The following OSBPL5 variants were observed in gnomAD, a reference collection of about 807,000 sequenced individuals.
OSBPL5 encodes oxysterol-binding protein-related protein 5.
Under a neutral mutation model 111.2 loss-of-function variants are expected in OSBPL5, and 71 were observed. That is an observed-to-expected ratio of 0.64 (90% CI 0.53 to 0.78). OSBPL5 has a LOEUF of 0.78. Ranked by LOEUF, OSBPL5 falls within the 30% of genes least tolerant of loss-of-function variation. The pLI is 0.00. For missense variants in OSBPL5, 1,210 were observed against 1,189.3 expected (o/e 1.02, Z -0.26); for synonymous variants, 549 against 513.9 (o/e 1.07, Z -0.93).
chr11:3,108,317 C>T (rs1439951297), intron 7 of OSBPL5, among the ~76,000 whole-genome samples: 1 of 152,144 alleles, frequency 6.6e-6, no homozygotes, highest in African/African-American at 2.4e-5. Context: ...AGTGACCCCT[C>T]CAGGTCACAA....
In OSBPL5 at chr11:3,103,222, G is replaced by C; in HGVS notation, c.1326+17C>G. Reference sequence around the variant, plus strand: ...CCTGGGCCGGAGCCCCACCCTCCCTGGCTGGCAGGGGCTCACCTTGGGCTT... The same window carrying C: ...CCTGGGCCGGAGCCCCACCCTCCCTCGCTGGCAGGGGCTCACCTTGGGCTT... On this transcript the variant is annotated intron_variant, in intron 11 of 21. Coordinates refer to ENST00000263650, the MANE Select transcript of OSBPL5 (RefSeq NM_020896.4). 1 of 1,587,254 alleles carries C rather than the reference G, an allele frequency of 6.3e-7. No individual in the cohort carries two copies. Among genetic ancestry groups the C allele is most frequent in the Non-Finnish European group, 8.6e-7 (1 of 1,165,920 alleles).
intron 14 of OSBPL5, among the ~76,000 whole-genome samples, chr11:3,097,549 C>G (rs376102950): frequency 6.6e-6 from 1 of 152,166 alleles, no homozygotes; most frequent in African/African-American, 2.4e-5. Flanking sequence ...AAACACAAAA[C>G]TAGCAAATTA....
rs2134579903 is a variant in OSBPL5 at position 3,165,090 on chromosome 11, G to T, written c.-22+126C>A. 1 of 150,798 alleles carries T rather than the reference G, an allele frequency of 6.6e-6. No individual in the cohort carries two copies. Among genetic ancestry groups the T allele is most frequent in the South Asian group, 2.1e-4 (1 of 4,826 alleles). 9.3% of individuals were successfully genotyped at this position (150,798 alleles called of 1,614,324 possible). A position where few individuals can be genotyped will look rare whatever the true frequency, so the allele number is the denominator to read the frequency against. Reference sequence around the variant, plus strand: ...CGCGGGGCTGCGGCGCGAGCTCCTGGATCCCTTCGGCCGGCCCCCCGCGGC... The same window carrying T: ...CGCGGGGCTGCGGCGCGAGCTCCTGTATCCCTTCGGCCGGCCCCCCGCGGC... On this transcript the variant is annotated intron_variant, in intron 1 of 21. Coordinates refer to ENST00000263650, the MANE Select transcript of OSBPL5 (RefSeq NM_020896.4). This position sits in a 1 kb window ranked among gnomAD's most constrained non-coding sequence, Gnocchi z 7.4.
intron 7 of OSBPL5, 101 bp downstream of exon 7, chr11:3,119,446 A>C: frequency 8.4e-7 from 1 of 1,190,090 alleles, no homozygotes. Context: ...AGACAGTAGA[A>C]GGGACTGAAC....
At chr11:3,100,971 CTTTT>C (rs1196891233) in intron 13 of OSBPL5, among the ~76,000 whole-genome samples, 190 of 123,422 alleles carry the variant, frequency 1.5e-3, no homozygotes, top group African/African-American at 5.2e-3. Flanking sequence ...AGTTTCATTT[CTTTT>C]TTTTTTTTTT....
At position 3,103,749 on chromosome 11, in the gene OSBPL5, TCTTCCAGCTCTGCAGCCCC is replaced by T. The variant is rs1415895278; in HGVS notation, c.1244+425_1245-430del. Among the ~76,000 whole-genome samples the T allele has an allele frequency of 2.4e-4, 11 of 45,550 alleles. 1 individual carries two copies. The highest frequency in any genetic ancestry group is 2.2e-3 in the East Asian group (2 of 914). 29.9% of individuals were successfully genotyped at this position (45,550 alleles called of 152,430 possible). On this transcript the variant is annotated intron_variant, in intron 10 of 21. Transcript: ENST00000263650. ...CTGCCCCTTCCTGCCTCTGCAACCC[TCTTCCAGCTCTGCAGCCCC>T]CTTCCAGCCTCTGCAGTCCCTTCCT...
chr11:3,136,843 C>T (rs1845961575), intron 1 of OSBPL5, among the ~76,000 whole-genome samples: 1 of 152,208 alleles, frequency 6.6e-6, no homozygotes, highest in African/African-American at 2.4e-5. Context: ...TTGGCAGGGG[C>T]CAGAAAAGCA....
At chr11:3,101,075 A>G (rs1166515571) in intron 13 of OSBPL5, among the ~76,000 whole-genome samples, 1 of 151,326 alleles carries the variant, frequency 6.6e-6, no homozygotes, top group Non-Finnish European at 1.5e-5. Context: ...CCCGGGTTCA[A>G]GCGATTCTCC....
intron 6 of OSBPL5, 150 bp downstream of exon 6, chr11:3,120,271 G>T: frequency 1.1e-6 from 1 of 935,070 alleles, no homozygotes; most frequent in Non-Finnish European, 1.6e-6. Flanking sequence ...TGATCCCCTG[G>T]CCGCATGTGG....
chr11:3,119,406 C>A (rs1217649306), intron 7 of OSBPL5, 141 bp downstream of exon 7: 2 of 784,388 alleles, frequency 2.5e-6, no homozygotes, highest in Non-Finnish European at 3.8e-6. Context: ...CCGAGCCGGG[C>A]TCATCCTGGC....
At position 3,162,986 on chromosome 11, in the gene OSBPL5, C is replaced by A. The variant is rs923606731; in HGVS notation, c.-22+2230G>T. The stretch of plus-strand genomic sequence containing the variant: ...CACTTCTACCCACCTGGCCCTTGGA[C>A]TCCACAAGGGGAGCTGCACCTAACG... On this transcript the variant is annotated intron_variant, in intron 1 of 21. Transcript: ENST00000263650. The surrounding 1 kb of genome is among the most constrained non-coding windows in gnomAD (Gnocchi z 8.1). Among the ~76,000 whole-genome samples the A allele has an allele frequency of 1.3e-5, 2 of 152,114 alleles. No homozygotes were observed. Among genetic ancestry groups the A allele is most frequent in the Non-Finnish European group, 2.9e-5 (2 of 68,022 alleles).
intron 14 of OSBPL5, among the ~76,000 whole-genome samples, chr11:3,095,622 C>G (rs1032194986): frequency 2.6e-5 from 4 of 152,196 alleles, no homozygotes; most frequent in Admixed American, 6.5e-5. Context: ...AAATACGTTC[C>G]TATCAAATAA....
In OSBPL5 at chr11:3,123,544, C is replaced by T. The variant is rs557839300; in HGVS notation, c.220-1116G>A. On this transcript the variant is annotated intron_variant, in intron 3 of 21. Transcript: ENST00000263650. Reference sequence around the variant, plus strand: ...CTGCGCCGCGGCGGGGCCTAAATGCCGTCTGGCCTTTTCCAGAGAAAGCGT... The same window carrying T: ...CTGCGCCGCGGCGGGGCCTAAATGCTGTCTGGCCTTTTCCAGAGAAAGCGT... Among the ~76,000 whole-genome samples the T allele has an allele frequency of 5.2e-4, 79 of 152,328 alleles. No individual in the cohort carries two copies. In the South Asian group the frequency reaches 5.6e-3, roughly 11 times the overall value.
At chr11:3,102,883 A>G (rs755166936) in intron 11 of OSBPL5, among the ~76,000 whole-genome samples, 1 of 152,170 alleles carries the variant, frequency 6.6e-6, no homozygotes, top group Non-Finnish European at 1.5e-5. Flanking sequence ...TATGAAAACC[A>G]CAGATCCCAA....
intron 7 of OSBPL5, among the ~76,000 whole-genome samples, chr11:3,111,562 TTC>T (rs889674535): frequency 6.6e-6 from 1 of 152,188 alleles, no homozygotes; most frequent in African/African-American, 2.4e-5. Context: ...TGTTGATTGT[TTC>T]TGTTTTTGTT....
At position 3,088,018 on chromosome 11, in the gene OSBPL5, C is replaced by T. The variant is rs1413041731; in HGVS notation, c.*187G>A. ...GGAAGGCCCTGCAGAGAGGCCAGTG[C>T]CCCTGAGAGGGGCCCAGCACACCTG... On this transcript the variant is annotated 3_prime_UTR_variant, in exon 22 of 22. Coordinates refer to ENST00000263650, the MANE Select transcript of OSBPL5 (RefSeq NM_020896.4). 2 of 497,592 alleles carry T rather than the reference C, an allele frequency of 4.0e-6. No individual in the cohort carries two copies. The highest frequency in any genetic ancestry group is 3.4e-6 in the Non-Finnish European group (1 of 292,196). The allele number at this position is 497,592 out of a possible 1,614,324, so 30.8% of individuals were successfully genotyped here. A position where few individuals can be genotyped will look rare whatever the true frequency, so the allele number is the denominator to read the frequency against.
At chr11:3,098,722 C>G (rs185016109) in intron 14 of OSBPL5, among the ~76,000 whole-genome samples, 1 of 151,918 alleles carries the variant, frequency 6.6e-6, no homozygotes, top group Admixed American at 6.6e-5. Flanking sequence ...TCAGGCTGGT[C>G]TTAAACTCCT....
At chr11:3,088,797 G>C (rs1856960769) in intron 21 of OSBPL5, among the ~76,000 whole-genome samples, 1 of 152,180 alleles carries the variant, frequency 6.6e-6, no homozygotes, top group Admixed American at 6.5e-5. Flanking sequence ...ATGAAGAAGA[G>C]ATGAAGACAC....
At chr11:3,147,192 CT>C (rs1846385022) in intron 1 of OSBPL5, among the ~76,000 whole-genome samples, 1 of 152,224 alleles carries the variant, frequency 6.6e-6, no homozygotes, top group African/African-American at 2.4e-5. Context: ...GGACTTGGGA[CT>C]CCTGCTCCAG....
Sources: gnomAD v4.1 joint callset for allele counts (sites outside exome capture counted in the v4.1 genomes callset) on GRCh38, gnomAD v4.1.1 for gene constraint, Gnocchi (gnomAD v3.1) non-coding constraint, MANE v1.5 for transcripts, NCBI Gene and HGNC (gene_info 2026-07-23, HGNC 2026-07-21) for gene names.